CERS4: variants seen among roughly 807,000 people sequenced by gnomAD.
The protein encoded by CERS4 is ceramide synthase 4.
A neutral mutation model predicts 51.8 loss-of-function variants in CERS4; 65 were observed. The observed-to-expected ratio is 1.26, with a 90% confidence interval of 1.03 to 1.54. The LOEUF (loss-of-function observed/expected upper bound fraction) is 1.54, where lower values mean the gene tolerates loss of function less well. Ranked by LOEUF, CERS4 falls within the 40% of genes most tolerant of loss-of-function variation. CERS4 has a pLI of 0.00. For missense variants in CERS4, 563 were observed against 500.4 expected (o/e 1.13, Z -1.19); for synonymous variants, 228 against 208.4 (o/e 1.09, Z -0.81).
rs1318598044 is a variant in CERS4, at chr19:8,254,617, G to A, written c.291+1G>A. On this transcript the variant is annotated splice_donor_variant, in intron 4 of 11. Transcript: ENST00000251363. LOFTEE classifies it high-confidence loss of function. ...CACGGAAGGGCACAGGCCCAAGGAG[G>A]TGAGAGCCCCCCATGCCCTCCGACC... 1 of 1,604,792 alleles carries A rather than the reference G, an allele frequency of 6.2e-7. No homozygotes were observed. The highest frequency in any genetic ancestry group is 2.2e-5 in the East Asian group (1 of 44,448).
rs1308981139 is a variant in CERS4 at position 8,256,598 on chromosome 19, C to T, written c.520-20C>T. ...GGAGCCTTCGCTCCCCACAGCTAAC[C>T]TTGTCCTGTCCTGCTGCAGACTCTG... On this transcript the variant is annotated intron_variant, in intron 7 of 11. Coordinates refer to ENST00000251363, the MANE Select transcript of CERS4 (RefSeq NM_024552.3). 1.9e-6 allele frequency: 3 copies of T among 1,603,316 alleles called. No homozygotes were observed. The highest frequency in any genetic ancestry group is 2.6e-6 in the Non-Finnish European group (3 of 1,175,646).
At chr19:8,229,711 C>CT (rs1967933824) in intron 2 of CERS4, among the ~76,000 whole-genome samples, 1 of 151,882 alleles carries the variant, frequency 6.6e-6, no homozygotes, top group Non-Finnish European at 1.5e-5. Flanking sequence ...CATGCCCAGC[C>CT]TTTTTTGTTT....
intron 2 of CERS4, among the ~76,000 whole-genome samples, chr19:8,240,726 ATGTGCATAGCTCTG>A (rs1968501242): frequency 6.6e-6 from 1 of 152,154 alleles, no homozygotes; most frequent in South Asian, 2.1e-4. Flanking sequence ...AAACAAACCT[ATGTGCATAGCTCTG>A]ATCTGCTGAG....
chr19:8,250,850 G>C, intron 2 of CERS4: 1 of 1,336,302 alleles, frequency 7.5e-7, no homozygotes, highest in Non-Finnish European at 9.5e-7. Flanking sequence ...CACTGACCAG[G>C]CAATGGAGTG....
chr19:8,215,406 G>C (rs1461028841), intron 2 of CERS4, among the ~76,000 whole-genome samples: 1 of 151,872 alleles, frequency 6.6e-6, no homozygotes, highest in African/African-American at 2.4e-5. Flanking sequence ...TTGAACCAGG[G>C]GGGCGGAGGT....
intron 2 of CERS4, among the ~76,000 whole-genome samples, chr19:8,217,537 GTT>G (rs567486585): frequency 8.2e-5 from 11 of 134,508 alleles, no homozygotes; most frequent in South Asian, 4.8e-4. Context: ...CCTGGCTAAT[GTT>G]TTTTTTTTTT....
intron 2 of CERS4, among the ~76,000 whole-genome samples, chr19:8,236,840 A>G (rs1968282783): frequency 6.6e-6 from 1 of 151,550 alleles, no homozygotes; most frequent in Non-Finnish European, 1.5e-5. Context: ...CATCTCTACT[A>G]AAAATACAAA....
rs753352606 is a variant in CERS4, at chr19:8,261,935, G to A, written c.1011G>A (p.Glu337=). 9.3e-6 allele frequency: 15 copies of A among 1,608,832 alleles called. No homozygotes were observed. Among genetic ancestry groups the A allele is most frequent in the East Asian group, 2.2e-5 (1 of 44,788 alleles). ...TCCCTCTCTCTGTTCCCCAGATGGA[G>A]AAGGACATTCGTAGTGATGTAGAAG... is the stretch of plus-strand genomic sequence containing the variant. ...LYSFMKKGQM[E]KDIRSDVEES... Residue 337 remains glutamate, a synonymous_variant, in exon 12 of 12, where the codon GAG becomes GAA. Coordinates refer to ENST00000251363, the MANE Select transcript of CERS4 (RefSeq NM_024552.3).
chr19:8,250,802 A>G, intron 2 of CERS4: 1 of 1,187,774 alleles, frequency 8.4e-7, no homozygotes, highest in Admixed American at 4.6e-5. Context: ...AGGTCAAGTC[A>G]TTTGCCTGAG....
intron 2 of CERS4, among the ~76,000 whole-genome samples, chr19:8,250,305 C>T (rs1969010412): frequency 6.6e-6 from 1 of 152,138 alleles, no homozygotes; most frequent in Admixed American, 6.6e-5. Context: ...CAAGCAGCCA[C>T]TCCCTTGACT....
intron 2 of CERS4, among the ~76,000 whole-genome samples, chr19:8,241,028 A>G (rs1968517246): frequency 6.6e-6 from 1 of 152,062 alleles, no homozygotes; most frequent in South Asian, 2.1e-4. Context: ...GTGAGGGGAG[A>G]AGAGGCTGGT....
rs145723504 is a variant in CERS4, at chr19:8,223,492, G to A, written c.-2+12630G>A. Among the ~76,000 whole-genome samples the A allele has an allele frequency of 2.6e-3, 390 of 152,092 alleles. 1 individual carries two copies. Among genetic ancestry groups the A allele is most frequent in the African/African-American group, 8.9e-3 (370 of 41,504 alleles). On this transcript the variant is annotated intron_variant, in intron 2 of 11. Coordinates refer to ENST00000251363, the MANE Select transcript of CERS4 (RefSeq NM_024552.3). ...AAAGTAGCTGGGCATGGTTGCACACGCCTGTAATCCCAGCTACTTGTGAGA... is the reference window on the plus strand; with the variant it reads ...AAAGTAGCTGGGCATGGTTGCACACACCTGTAATCCCAGCTACTTGTGAGA...
chr19:8,234,498 C>T (rs957183792), intron 2 of CERS4, among the ~76,000 whole-genome samples: 1 of 147,740 alleles, frequency 6.8e-6, no homozygotes, highest in South Asian at 2.1e-4. Context: ...TTTACCCATT[C>T]AATTTTAACT....
At chr19:8,235,464 G>A (rs1968208323) in intron 2 of CERS4, among the ~76,000 whole-genome samples, 1 of 151,550 alleles carries the variant, frequency 6.6e-6, no homozygotes, top group African/African-American at 2.4e-5. Context: ...GTTCAGGCCG[G>A]GCATGGTGGC....
intron 2 of CERS4, among the ~76,000 whole-genome samples, chr19:8,235,175 A>AT (rs1292776494): frequency 6.6e-6 from 1 of 150,808 alleles, no homozygotes; most frequent in East Asian, 2.0e-4. Context: ...TGCCTGGCTA[A>AT]TTTTTGTATT....
At chr19:8,256,788 A>G in intron 8 of CERS4, 78 bp downstream of exon 8, 1 of 1,572,138 alleles carries the variant, frequency 6.4e-7, no homozygotes, top group Non-Finnish European at 8.6e-7. Flanking sequence ...CAGCCTTACA[A>G]CCGCACCTTG....
rs368052071 is a variant in CERS4, at chr19:8,261,747, A to T, written c.908A>T (p.Tyr303Phe). ...ISNRGPFFGYYFFNGLLMLLQ... is the reference protein window; with the variant it reads ...ISNRGPFFGYFFFNGLLMLLQ... ...AACAGGGGCCCCTTCTTCGGCTACTACTTCTTCAACGGGCTTCTGATGTTG... is the reference window on the plus strand; with the variant it reads ...AACAGGGGCCCCTTCTTCGGCTACTTCTTCTTCAACGGGCTTCTGATGTTG... Residue 303 changes from tyrosine (Y) to phenylalanine (F), a missense_variant, in exon 11 of 12, where the codon TAC (tyrosine) becomes TTC (phenylalanine). Physicochemically the swap from Tyr to Phe is conservative, Grantham distance 22. Coordinates refer to ENST00000251363, the MANE Select transcript of CERS4 (RefSeq NM_024552.3). The T allele has an allele frequency of 5.1e-5, 82 of 1,613,898 alleles. No homozygotes were observed. The highest frequency in any genetic ancestry group is 3.3e-4 in the Middle Eastern group (2 of 6,082).
At chr19:8,211,991 C>T (rs1206909678) in intron 2 of CERS4, among the ~76,000 whole-genome samples, 3 of 151,560 alleles carry the variant, frequency 2.0e-5, no homozygotes, top group Non-Finnish European at 4.4e-5. Context: ...GGGAAGGCCT[C>T]CTGGAGGAGG....
intron 10 of CERS4, among the ~76,000 whole-genome samples, chr19:8,260,172 G>T (rs958284186): frequency 2.0e-5 from 3 of 152,018 alleles, no homozygotes; most frequent in Non-Finnish European, 2.9e-5. Flanking sequence ...ACAGCTGATT[G>T]GGGGGTAGGA....
Sources: gnomAD v4.1 joint callset for allele counts (sites outside exome capture counted in the v4.1 genomes callset) on GRCh38, gnomAD v4.1.1 for gene constraint, MANE v1.5 for transcripts, NCBI Gene and HGNC (gene_info 2026-07-23, HGNC 2026-07-21) for gene names.